The following TOX variants were observed in gnomAD, a reference collection of about 807,000 sequenced individuals.
The protein encoded by TOX is thymocyte selection-associated high mobility group box protein TOX.
A neutral mutation model predicts 53.7 loss-of-function variants in TOX; 11 were observed. That is an observed-to-expected ratio of 0.20 (90% CI 0.13 to 0.34). The LOEUF (loss-of-function observed/expected upper bound fraction) is 0.34, where lower values mean the gene tolerates loss of function less well. Among genes scored for constraint, TOX ranks in the 10% least tolerant of loss-of-function variants. The pLI, the probability that TOX is intolerant of heterozygous loss-of-function variation, is 1.00. For missense variants in TOX, 570 were observed against 664.6 expected (o/e 0.86, Z 1.56); for synonymous variants, 225 against 245.3 (o/e 0.92, Z 0.77).
At chr8:58,904,076 T>G (rs947228620) in intron 3 of TOX, among the ~76,000 whole-genome samples, 14 of 152,202 alleles carry the variant, frequency 9.2e-5, no homozygotes, top group African/African-American at 3.1e-4. Context: ...TCAGATCATG[T>G]TTTTTAAAAA....
chr8:58,963,314 T>TATATATAGATAG (rs71557744), intron 1 of TOX, among the ~76,000 whole-genome samples: 4,908 of 130,642 alleles, frequency 0.038, 130 homozygotes, highest in African/African-American at 0.069. Flanking sequence ...TAGATATATA[T>TATATATAGATAG]ATAGATAGAT....
chr8:59,053,928 A>C (rs886499846), intron 1 of TOX, among the ~76,000 whole-genome samples: 1 of 152,328 alleles, frequency 6.6e-6, no homozygotes, highest in Middle Eastern at 3.4e-3. Context: ...CATTTTCAAA[A>C]AGAAAATCTT....
chr8:59,067,117 A>G (rs1200937044), intron 1 of TOX, among the ~76,000 whole-genome samples: 1 of 151,994 alleles, frequency 6.6e-6, no homozygotes, highest in Non-Finnish European at 1.5e-5. Flanking sequence ...CAAATCCAGA[A>G]GGGGGGCCGG....
chr8:58,932,125 A>G (rs1233312932), intron 3 of TOX, among the ~76,000 whole-genome samples: 3 of 152,172 alleles, frequency 2.0e-5, no homozygotes, highest in Non-Finnish European at 4.4e-5. Flanking sequence ...TGGCCTTATT[A>G]AGAATTTGTC....
At chr8:58,913,869 T>C (rs1247136126) in intron 3 of TOX, among the ~76,000 whole-genome samples, 1 of 151,690 alleles carries the variant, frequency 6.6e-6, no homozygotes, top group African/African-American at 2.4e-5. Context: ...AATCACTGAG[T>C]TTTGCTCAAA....
intron 1 of TOX, among the ~76,000 whole-genome samples, chr8:59,111,593 C>T (rs900151600): frequency 6.6e-6 from 1 of 152,100 alleles, no homozygotes; most frequent in African/African-American, 2.4e-5. Context: ...CACACCCATA[C>T]ACATGCACAT....
rs576011064 is a variant in TOX, at chr8:58,936,957, A to C, written c.411+2345T>G. ...GTCCCACTAGCCACATTTAATAGCC[A>C]GTGACTACTGCTGTTGGACAGCACA... On this transcript the variant is annotated intron_variant, in intron 3 of 8. Coordinates refer to ENST00000361421, the MANE Select transcript of TOX (RefSeq NM_014729.3). Among the ~76,000 whole-genome samples, 5 of 152,366 alleles carry C rather than the reference A, an allele frequency of 3.3e-5. No individual in the cohort carries two copies. In the South Asian group the frequency reaches 1.0e-3, roughly 32 times the overall value.
At chr8:58,946,138 C>T (rs1028001813) in intron 2 of TOX, among the ~76,000 whole-genome samples, 1 of 152,062 alleles carries the variant, frequency 6.6e-6, no homozygotes, top group Non-Finnish European at 1.5e-5. Flanking sequence ...AATTTTTAAT[C>T]TGTAACATAA....
At chr8:59,009,395 CAG>C (rs1012820069) in intron 1 of TOX, among the ~76,000 whole-genome samples, 1 of 150,136 alleles carries the variant, frequency 6.7e-6, no homozygotes, top group Non-Finnish European at 1.5e-5. Flanking sequence ...TTTTTTTTGA[CAG>C]AGTCTCACTC....
chr8:59,038,811 T>C (rs1315819409), intron 1 of TOX, among the ~76,000 whole-genome samples: 3 of 152,244 alleles, frequency 2.0e-5, no homozygotes, highest in Non-Finnish European at 4.4e-5. Context: ...GTACTTATTT[T>C]CCCTTGGGTT....
chr8:59,033,599 G>A (rs1814398811), intron 1 of TOX, among the ~76,000 whole-genome samples: 1 of 152,164 alleles, frequency 6.6e-6, no homozygotes, highest in Admixed American at 6.5e-5. Context: ...CAAGAAAGGA[G>A]GGATCAGCTA....
chr8:58,970,782 A>G (rs1812987959), intron 1 of TOX, among the ~76,000 whole-genome samples: 1 of 152,274 alleles, frequency 6.6e-6, no homozygotes, highest in African/African-American at 2.4e-5. Flanking sequence ...CATTAAATGA[A>G]TCACATAAAT....
At chr8:59,004,180 C>T (rs1585957486) in intron 1 of TOX, among the ~76,000 whole-genome samples, 1 of 152,146 alleles carries the variant, frequency 6.6e-6, no homozygotes, top group African/African-American at 2.4e-5. Context: ...TCATTTCAGC[C>T]ACTGTAAGCT....
chr8:59,092,281 ATTATATATACATTATATATAT>A (rs1257108818), intron 1 of TOX, among the ~76,000 whole-genome samples: 6 of 111,126 alleles, frequency 5.4e-5, no homozygotes, highest in Middle Eastern at 4.1e-3. Flanking sequence ...ATATATATAT[ATTATATATACATTATATATAT>A]TATATATTAT....
At chr8:59,060,491 C>T (rs1458918232) in intron 1 of TOX, among the ~76,000 whole-genome samples, 1 of 152,078 alleles carries the variant, frequency 6.6e-6, no homozygotes, top group African/African-American at 2.4e-5. Context: ...GCCGGGCGTG[C>T]TGGCACGTGC....
intron 1 of TOX, among the ~76,000 whole-genome samples, chr8:59,019,210 A>C (rs1282987826): frequency 1.3e-5 from 2 of 152,190 alleles, no homozygotes; most frequent in African/African-American, 4.8e-5. Context: ...CCTAAAATTG[A>C]GGGATAATTA....
At chr8:58,933,984 C>T (rs1401036905) in intron 3 of TOX, among the ~76,000 whole-genome samples, 1 of 152,138 alleles carries the variant, frequency 6.6e-6, no homozygotes, top group Non-Finnish European at 1.5e-5. Context: ...CATTTCAATG[C>T]TTTTCTAACC....
In TOX at chr8:58,881,275, TAGG is replaced by T. The variant is rs556310288; in HGVS notation, c.412-29473_412-29471del. On this transcript the variant is annotated intron_variant, in intron 3 of 8. Coordinates refer to ENST00000361421, the MANE Select transcript of TOX (RefSeq NM_014729.3). ...AAATACATTTCAACACTCATGAAAT[TAGG>T]AGATTATCTTCGAATAAAGTATTAT... Among the ~76,000 whole-genome samples, 22 of 152,266 alleles carry T rather than the reference TAGG, an allele frequency of 1.4e-4. 1 individual carries two copies. Among genetic ancestry groups the T allele is most frequent in the South Asian group, 1.2e-3 (6 of 4,830 alleles).
intron 5 of TOX, among the ~76,000 whole-genome samples, chr8:58,827,315 T>C (rs951031035): frequency 2.0e-5 from 3 of 152,090 alleles, no homozygotes; most frequent in Non-Finnish European, 2.9e-5. Flanking sequence ...CCACGCTAAA[T>C]ACAAAAACAA....
Sources: gnomAD v4.1 joint callset for allele counts (sites outside exome capture counted in the v4.1 genomes callset) on GRCh38, gnomAD v4.1.1 for gene constraint, MANE v1.5 for transcripts, NCBI Gene and HGNC (gene_info 2026-07-23, HGNC 2026-07-21) for gene names.